The following QTMAN variants were observed in gnomAD, a reference collection of about 807,000 sequenced individuals.
The protein encoded by QTMAN is tRNA-queuosine alpha-mannosyltransferase.
At chr2:143,973,593 A>G in the QTMAN span, among the ~76,000 whole-genome samples, 1 of 152,028 alleles carries the variant, frequency 6.6e-6, no homozygotes, top group Non-Finnish European at 1.5e-5. Flanking sequence ...AATCGAGACC[A>G]TCCTGGCTAA....
At chr2:144,177,248 C>CAAA in the QTMAN span, 1 of 582,866 alleles carries the variant, frequency 1.7e-6, no homozygotes, top group Admixed American at 3.3e-5. Flanking sequence ...TATCTTGATC[C>CAAA]CAATAAAAAA....
chr2:144,068,213 C>T, the QTMAN span, among the ~76,000 whole-genome samples: 3 of 152,106 alleles, frequency 2.0e-5, no homozygotes, highest in East Asian at 1.9e-4. Flanking sequence ...CTAAAGACTG[C>T]GGGTTTAAAC....
At chr2:144,047,368 A>T in the QTMAN span, among the ~76,000 whole-genome samples, 2 of 152,220 alleles carry the variant, frequency 1.3e-5, no homozygotes, top group Non-Finnish European at 2.9e-5. Flanking sequence ...ACGGTAAGGC[A>T]TCTAATCCTT....
the QTMAN span, among the ~76,000 whole-genome samples, chr2:144,152,132 A>G: frequency 2.0e-5 from 3 of 152,174 alleles, no homozygotes; most frequent in South Asian, 6.2e-4. Flanking sequence ...ACTTTCTTCC[A>G]TCATGTAATT....
At chr2:144,090,331 T>A in the QTMAN span, among the ~76,000 whole-genome samples, 1 of 152,072 alleles carries the variant, frequency 6.6e-6, no homozygotes, top group East Asian at 1.9e-4. Context: ...CTCTTACTAT[T>A]TCTATTCAAC....
the QTMAN span, among the ~76,000 whole-genome samples, chr2:143,973,732 T>C: frequency 3.4e-5 from 5 of 148,858 alleles, no homozygotes. Flanking sequence ...GAGCTTGCAG[T>C]GAGTCGAGAT....
chr2:144,182,066 C>T, the QTMAN span, among the ~76,000 whole-genome samples: 3 of 151,494 alleles, frequency 2.0e-5, no homozygotes, highest in South Asian at 2.1e-4. Context: ...TTAAGTCATA[C>T]ATTAAAATTC....
the QTMAN span, among the ~76,000 whole-genome samples, chr2:144,329,918 G>C: frequency 6.6e-6 from 1 of 152,186 alleles, no homozygotes; most frequent in South Asian, 2.1e-4. Flanking sequence ...CAGATGAGTA[G>C]GACATAGCCG....
the QTMAN span, chr2:144,128,021 A>C: frequency 6.6e-6 from 1 of 152,098 alleles, no homozygotes; most frequent in Non-Finnish European, 1.5e-5. Flanking sequence ...GAAGAGGCAG[A>C]ACAGGAGTGT....
At chr2:144,323,048 C>CA in the QTMAN span, among the ~76,000 whole-genome samples, 3 of 152,136 alleles carry the variant, frequency 2.0e-5, no homozygotes, top group African/African-American at 7.2e-5. Context: ...AACAAACTGT[C>CA]AGTTGTTTTC....
the QTMAN span, among the ~76,000 whole-genome samples, chr2:144,279,261 T>C: frequency 6.6e-6 from 1 of 150,878 alleles, no homozygotes; most frequent in African/African-American, 2.4e-5. Context: ...AGGCAGACAG[T>C]GAAAAGACAT....
the QTMAN span, among the ~76,000 whole-genome samples, chr2:144,110,390 A>G: frequency 1.3e-5 from 2 of 152,182 alleles, no homozygotes; most frequent in Non-Finnish European, 2.9e-5. Context: ...GGGGCCTGTC[A>G]TAGGGTGAGG....
At chr2:144,288,806 A>G in the QTMAN span, among the ~76,000 whole-genome samples, 5 of 152,166 alleles carry the variant, frequency 3.3e-5, no homozygotes, top group African/African-American at 9.7e-5. Context: ...ACTGCTGACC[A>G]AAGACTGAAG....
At chr2:144,190,021 A>G in the QTMAN span, among the ~76,000 whole-genome samples, 12 of 152,190 alleles carry the variant, frequency 7.9e-5, no homozygotes, top group African/African-American at 2.9e-4. Flanking sequence ...ACATTAAGGA[A>G]TTACTTGGGG....
the QTMAN span, among the ~76,000 whole-genome samples, chr2:144,328,204 G>A: frequency 6.6e-6 from 1 of 152,088 alleles, no homozygotes; most frequent in Non-Finnish European, 1.5e-5. Flanking sequence ...ACCAGTCTTG[G>A]CCTCCCAAAG....
At chr2:144,001,425 A>G in the QTMAN span, among the ~76,000 whole-genome samples, 3 of 151,912 alleles carry the variant, frequency 2.0e-5, no homozygotes, top group African/African-American at 7.2e-5. Context: ...CACACTCTTT[A>G]TATCAACTTT....
chr2:144,105,795 A>C, the QTMAN span, among the ~76,000 whole-genome samples: 1 of 152,304 alleles, frequency 6.6e-6, no homozygotes, highest in South Asian at 2.1e-4. Flanking sequence ...TCCAAGACAC[A>C]TAATTGTCAG....
the QTMAN span, among the ~76,000 whole-genome samples, chr2:144,312,071 T>C: frequency 6.6e-6 from 1 of 152,300 alleles, no homozygotes; most frequent in South Asian, 2.1e-4. Flanking sequence ...ATAAATTCCA[T>C]TATTTCTCAG....
At chr2:144,165,172 C>A in the QTMAN span, among the ~76,000 whole-genome samples, 2 of 151,960 alleles carry the variant, frequency 1.3e-5, no homozygotes, top group African/African-American at 2.4e-5. Context: ...GAGATTGAGA[C>A]CATACTGGCC....
Sources: allele counts gnomAD v4.1 joint callset (sites outside exome capture counted in the v4.1 genomes callset), GRCh38; gene constraint gnomAD v4.1.1; transcripts MANE v1.5; gene names NCBI Gene and HGNC (gene_info 2026-07-23, HGNC 2026-07-21).